Variants in USP29 observed in about 807,000 individuals in gnomAD.
USP29 encodes ubiquitin carboxyl-terminal hydrolase 29.
For synonymous variants in USP29, 386 were observed against 387.4 expected (o/e 1.00, Z 0.04); for missense variants, 1,102 against 1,069.0 (o/e 1.03, Z -0.43).
chr19:57,123,745 G>A (rs2086809298), intron 2 of USP29, among the ~76,000 whole-genome samples: 1 of 152,154 alleles, frequency 6.6e-6, no homozygotes, highest in Admixed American at 6.5e-5. Context: ...GTTGTTAGAA[G>A]GTCTTGTTGT....
rs759804630 is a variant in USP29 at position 57,128,865 on chromosome 19, C to T, written c.190C>T (p.His64Tyr). Residue 64 changes from histidine to tyrosine, a missense_variant, in exon 4 of 4, where the codon CAT becomes TAT. Transcript: ENST00000254181. ...CAACATTAGAAGTGTGGTCCTTAGA[C>T]ATTGTAAAAAAAGACAAAGTCACCT... ...SNNIRSVVLRHCKKRQSHLRL... is the reference protein window; with the variant it reads ...SNNIRSVVLRYCKKRQSHLRL... 9 of 1,613,072 alleles carry T rather than the reference C, an allele frequency of 5.6e-6. No homozygotes were observed. Among genetic ancestry groups the T allele is most frequent in the Non-Finnish European group, 6.8e-6 (8 of 1,179,794 alleles).
Position 57,129,570 on chromosome 19 carries a change from G to T in USP29, c.895G>T (p.Val299Phe), listed in dbSNP as rs184223788. 37 of 1,614,206 alleles carry T rather than the reference G, an allele frequency of 2.3e-5. No individual in the cohort carries two copies. The East Asian group carries it at 7.8e-4, about 34-fold the overall frequency. Residue 299 changes from valine (V) to phenylalanine (F), a missense_variant, in exon 4 of 4, where the codon GTT (valine) becomes TTT (phenylalanine). Physicochemically the swap from Val to Phe is conservative, Grantham distance 50. Transcript: ENST00000254181. ...NLGNTCYMNA[V>F]LQSLFAIPSF... ...GGGAAACACCTGTTACATGAATGCA[G>T]TTTTACAATCGCTATTTGCAATTCC...
intron 3 of USP29, among the ~76,000 whole-genome samples, chr19:57,126,443 C>G (rs2086824897): frequency 6.6e-6 from 1 of 151,936 alleles, no homozygotes; most frequent in Non-Finnish European, 1.5e-5. Context: ...TTTCTTGGAG[C>G]CTTTGTTCAT....
In USP29 at chr19:57,131,026, T is replaced by A; in HGVS notation, c.2351T>A (p.Leu784His). 6.2e-7 allele frequency: 1 copy of A among 1,614,148 alleles called. No individual in the cohort carries two copies. Among genetic ancestry groups the A allele is most frequent in the Non-Finnish European group, 8.5e-7 (1 of 1,180,024 alleles). ...LRLQKADLNHLGALGSDNPGN... is the reference protein window; with the variant it reads ...LRLQKADLNHHGALGSDNPGN... ...CTTCAAAAGGCTGACCTGAATCACCTTGGGGCACTGGGTTCTGACAACCCA... is the reference window on the plus strand; with the variant it reads ...CTTCAAAAGGCTGACCTGAATCACCATGGGGCACTGGGTTCTGACAACCCA... Residue 784 changes from leucine (L) to histidine (H), a missense_variant, in exon 4 of 4, where the codon CTT becomes CAT. Physicochemically the swap from Leu to His is moderately conservative, Grantham distance 99 (BLOSUM62 -3). Transcript: ENST00000254181.
chr19:57,129,803 T>C lies in USP29; in HGVS notation c.1128T>C (p.Phe376=), dbSNP rs745691799. The change falls in exon 4 of 4, where the codon TTT becomes TTC. Residue 376 remains phenylalanine, a synonymous_variant. Transcript: ENST00000254181. The part of the protein sequence containing the change: ...SGNMQNDAHE[F]LGQCLDQLKE... ...ACATGCAGAATGATGCTCATGAGTT[T>C]TTAGGTCAGTGTTTAGACCAGCTGA... 2.1e-5 allele frequency: 34 copies of C among 1,614,076 alleles called. No individual in the cohort carries two copies. The highest frequency in any genetic ancestry group is 2.5e-6 in the Non-Finnish European group (3 of 1,180,040).
Position 57,130,644 on chromosome 19 carries a change from A to T in USP29, c.1969A>T (p.Ile657Phe). 6.2e-7 allele frequency: 1 copy of T among 1,614,136 alleles called. No individual in the cohort carries two copies. Residue 657 changes from isoleucine (I) to phenylalanine (F), a missense_variant, in exon 4 of 4, where the codon ATT becomes TTT. By Grantham distance (21) the Ile-to-Phe change is conservative. Coordinates refer to ENST00000254181, the MANE Select transcript of USP29 (RefSeq NM_020903.3). ...TGACTCACTGATGGACCAGGGAGAC[A>T]TTTCTCTTCCTGTGATGTATGAAGA... ...VADSLMDQGD[I>F]SLPVMYEDGG...
At chr19:57,119,781 C>T (rs1437085391), upstream of USP29, among the ~76,000 whole-genome samples, 1 of 152,106 alleles carries the variant, frequency 6.6e-6, no homozygotes, top group South Asian at 2.1e-4. Flanking sequence ...ACCTACCACA[C>T]CCCACCTCGC....
At position 57,130,126 on chromosome 19, in the gene USP29, A is replaced by G. The variant is rs928529710; in HGVS notation, c.1451A>G (p.Tyr484Cys). 9.9e-6 allele frequency: 16 copies of G among 1,614,054 alleles called. No individual in the cohort carries two copies. The highest frequency in any genetic ancestry group is 1.3e-5 in the Non-Finnish European group (15 of 1,180,020). ...TTCTTTAAAGAAGAAGAGCTTGAAT[A>G]TAACTGTCAGATGTGTAAGCAGAAG... ...DLFFKEEELE[Y>C]NCQMCKQKSC... Residue 484 changes from tyrosine (Y) to cysteine (C), a missense_variant, in exon 4 of 4, where the codon TAT becomes TGT. Transcript: ENST00000254181.
chr19:57,121,484 A>G (rs1678080746), intron 1 of USP29, among the ~76,000 whole-genome samples: 1 of 128,414 alleles, frequency 7.8e-6, no homozygotes, highest in Non-Finnish European at 1.7e-5. Context: ...ACATACTTAT[A>G]TGTTATATAT....
In USP29 at chr19:57,128,472, C is replaced by T. The variant is rs575533196; in HGVS notation, c.-16-188C>T. ...TCGCCTAACAGCTCCCTTGAAAATG[C>T]GTGTGCCTCAGTCTATGTCTTCTGG... On this transcript the variant is annotated intron_variant, in intron 3 of 3. Transcript: ENST00000254181. Among the ~76,000 whole-genome samples, 14 of 152,274 alleles carry T rather than the reference C, an allele frequency of 9.2e-5. No homozygotes were observed. In the East Asian group the frequency reaches 1.5e-3, roughly 17 times the overall value.
At chr19:57,121,008 T>G (rs1392851685) in intron 1 of USP29, among the ~76,000 whole-genome samples, 1 of 150,314 alleles carries the variant, frequency 6.7e-6, no homozygotes, top group African/African-American at 2.4e-5. Flanking sequence ...GGCAGGAGAA[T>G]CACTTGAACC....
Position 57,131,489 on chromosome 19 carries a change from A to G in USP29, c.*45A>G, listed in dbSNP as rs770478486. ...TTCATCCTTGCAAAGAGAATCCTGT[A>G]CTTCATCCTTGCAAAGAGAATCCTG... On this transcript the variant is annotated 3_prime_UTR_variant, in exon 4 of 4. Transcript: ENST00000254181. 5.2e-6 allele frequency: 8 copies of G among 1,536,500 alleles called. No individual in the cohort carries two copies. In the Admixed American group the frequency reaches 1.5e-4, roughly 28 times the overall value.
chr19:57,121,067 C>T (rs1334907356), intron 1 of USP29, among the ~76,000 whole-genome samples: 3 of 150,786 alleles, frequency 2.0e-5, no homozygotes, highest in Non-Finnish European at 4.4e-5. Context: ...TAAACTCCAG[C>T]CTCGGTGACA....
Position 57,129,752 on chromosome 19 carries a change from A to T in USP29, c.1077A>T (p.Ser359=). The change falls in exon 4 of 4, where the codon TCA becomes TCT. Residue 359 remains serine (S), a synonymous_variant. Transcript: ENST00000254181. The stretch of plus-strand genomic sequence containing the variant: ...TTGGGAATGTTAAAAAAGTCATTTC[A>T]GCAGTTGCAGAAATATTTTCTGGCA... The part of the protein sequence containing the change: ...ELLGNVKKVI[S]AVAEIFSGNM... 1 of 1,614,158 alleles carries T rather than the reference A, an allele frequency of 6.2e-7. No individual in the cohort carries two copies. Among genetic ancestry groups the T allele is most frequent in the Non-Finnish European group, 8.5e-7 (1 of 1,180,036 alleles).
Position 57,128,980 on chromosome 19 carries a change from T to C in USP29, c.305T>C (p.Ile102Thr), listed in dbSNP as rs527340994. The C allele has an allele frequency of 5.3e-5, 86 of 1,614,138 alleles. 1 individual carries two copies. The South Asian group carries it at 5.8e-4, about 11-fold the overall frequency. The change falls in exon 4 of 4, where the codon ATC becomes ACC. Residue 102 changes from isoleucine to threonine, a missense_variant. Ile to Thr is a moderately conservative substitution (Grantham distance 89). Coordinates refer to ENST00000254181, the MANE Select transcript of USP29 (RefSeq NM_020903.3). ...AKQLNMFLDI[I>T]HQNKSQQPMK... ...CAGTTGAATATGTTCCTGGACATAATCCACCAAAACAAATCTCAGCAACCC... is the reference window on the plus strand; with the variant it reads ...CAGTTGAATATGTTCCTGGACATAACCCACCAAAACAAATCTCAGCAACCC...
chr19:57,124,342 G>GT (rs113001620), intron 3 of USP29, among the ~76,000 whole-genome samples: 3,372 of 139,770 alleles, frequency 0.024, 109 homozygotes, highest in African/African-American at 0.063. Context: ...TTCCCTTCAT[G>GT]TTTTTTTTTT....
chr19:57,125,611 G>T (rs1208429817), intron 3 of USP29, among the ~76,000 whole-genome samples: 1 of 151,566 alleles, frequency 6.6e-6, no homozygotes, highest in Non-Finnish European at 1.5e-5. Context: ...CTTTCCATTT[G>T]CTTGGCAAAT....
rs375638440 is a variant in USP29 at position 57,130,801 on chromosome 19, C to T, written c.2126C>T (p.Thr709Ile). Residue 709 changes from threonine to isoleucine, a missense_variant, in exon 4 of 4, where the codon ACT becomes ATT. Thr to Ile is a moderately conservative substitution (Grantham distance 89, BLOSUM62 -1). Coordinates refer to ENST00000254181, the MANE Select transcript of USP29 (RefSeq NM_020903.3). ...GTAGAGTTCAATTTTGACAGTGTCA[C>T]TGAGTCCACCAATGGCTTTTATGAC... is the stretch of plus-strand genomic sequence containing the variant. ...TFVEFNFDSV[T>I]ESTNGFYDCK... is the part of the protein sequence containing the mutation. 45 of 1,614,162 alleles carry T rather than the reference C, an allele frequency of 2.8e-5. No homozygotes were observed. The Middle Eastern group carries it at 4.9e-4, about 18-fold the overall frequency.
chr19:57,120,872 A>C (rs189150012), intron 1 of USP29, among the ~76,000 whole-genome samples: 1 of 151,030 alleles, frequency 6.6e-6, no homozygotes, highest in East Asian at 1.9e-4. Flanking sequence ...TGGGAGGCCA[A>C]GGCGGGCGGA....
Sources: allele counts gnomAD v4.1 joint callset (sites outside exome capture counted in the v4.1 genomes callset), GRCh38; gene constraint gnomAD v4.1.1; transcripts MANE v1.5; gene names NCBI Gene and HGNC (gene_info 2026-07-23, HGNC 2026-07-21).